FAP: variants seen among roughly 807,000 people sequenced by gnomAD.
The protein encoded by FAP is prolyl endopeptidase FAP.
In FAP, 110 loss-of-function variants were observed where a neutral mutation model predicts 126.5. The observed-to-expected ratio is 0.87, with a 90% CI of 0.74 to 1.02. FAP has a LOEUF of 1.02. Ranked by LOEUF, FAP falls within the 50% of genes least tolerant of loss-of-function variation. FAP has a pLI of 0.00. For missense variants in FAP, 919 were observed against 909.2 expected (o/e 1.01, Z -0.14); for synonymous variants, 334 against 297.3 (o/e 1.12, Z -1.27).
intron 17 of FAP, among the ~76,000 whole-genome samples, chr2:162,192,998 A>G (rs981361082): frequency 3.3e-5 from 5 of 152,036 alleles, no homozygotes; most frequent in African/African-American, 1.2e-4. Context: ...CCATGTTCAT[A>G]TTCCCCACTC....
At chr2:162,219,656 A>C (rs1404393010) in intron 7 of FAP, among the ~76,000 whole-genome samples, 197 bp downstream of exon 7, 1 of 152,154 alleles carries the variant, frequency 6.6e-6, no homozygotes, top group Non-Finnish European at 1.5e-5. Flanking sequence ...TATTTAAAGA[A>C]GTCTATCCAT....
At chr2:162,234,935 G>T (rs1022570919) in intron 2 of FAP, among the ~76,000 whole-genome samples, 2 of 152,154 alleles carry the variant, frequency 1.3e-5, no homozygotes, top group Admixed American at 1.3e-4. Context: ...CGTGGGCTTG[G>T]TGGGCCCCAC....
chr2:162,203,192 A>T (rs1688566090), intron 12 of FAP, 47 bp from the exon 13 acceptor site: 1 of 1,291,972 alleles, frequency 7.7e-7, no homozygotes, highest in Non-Finnish European at 1.1e-6. Context: ...AACCAAACTA[A>T]AACCATAGAT....
intron 18 of FAP, 44 bp downstream of exon 18, chr2:162,189,612 C>T (rs1302621174): frequency 2.8e-6 from 3 of 1,086,400 alleles, no homozygotes; most frequent in Non-Finnish European, 4.1e-6. Context: ...AAGAAAATTG[C>T]TCAGCTTCAT....
At chr2:162,195,294 G>T (rs1347220215) in intron 16 of FAP, among the ~76,000 whole-genome samples, 1 of 152,072 alleles carries the variant, frequency 6.6e-6, no homozygotes, top group African/African-American at 2.4e-5. Context: ...TTGGAAGGAG[G>T]TTTGTGGGGG....
At chr2:162,216,745 G>C (rs576052847) in intron 9 of FAP, among the ~76,000 whole-genome samples, 6 of 152,162 alleles carry the variant, frequency 3.9e-5, no homozygotes, top group Non-Finnish European at 8.8e-5. Flanking sequence ...TAATGACTCA[G>C]TGCTGTTTGA....
intron 2 of FAP, among the ~76,000 whole-genome samples, chr2:162,239,042 A>T (rs1211716062): frequency 6.6e-6 from 1 of 152,188 alleles, no homozygotes; most frequent in Non-Finnish European, 1.5e-5. Flanking sequence ...ACAATTACAT[A>T]TGTATATACA....
intron 16 of FAP, chr2:162,198,430 G>T (rs572159471): frequency 1.9e-6 from 2 of 1,052,616 alleles, no homozygotes; most frequent in Non-Finnish European, 2.5e-6. Context: ...GCCTCTGCAC[G>T]CAGTCTTAGT....
rs761757692 is a variant in FAP at position 162,197,653 on chromosome 2, C to T, written c.1402+1104G>A. 2.1e-4 allele frequency: 95 copies of T among 456,504 alleles called. 3 individuals carry two copies. In the Middle Eastern group the frequency reaches 6.8e-3, roughly 33 times the overall value. The allele number at this position is 456,504 out of a possible 1,614,324, so 28.3% of individuals were successfully genotyped here. ...GTCAAATGAGCTGCAGCTCAGGTTC[C>T]GGGGCCAGGTGGCTGGACTGAGGGA... On this transcript the variant is annotated intron_variant, in intron 16 of 25. Coordinates refer to ENST00000188790, the MANE Select transcript of FAP (RefSeq NM_004460.5).
At chr2:162,218,496 T>C (rs1689246079) in intron 8 of FAP, among the ~76,000 whole-genome samples, 1 of 151,402 alleles carries the variant, frequency 6.6e-6, no homozygotes, top group Non-Finnish European at 1.5e-5. Context: ...TACTAGAGAG[T>C]GACATAAACA....
At chr2:162,232,696 G>A (rs1235955253) in intron 2 of FAP, among the ~76,000 whole-genome samples, 1 of 152,136 alleles carries the variant, frequency 6.6e-6, no homozygotes, top group Non-Finnish European at 1.5e-5. Context: ...GTTATTCAAA[G>A]GATTTGCCGG....
In FAP at chr2:162,202,474, T is replaced by C. The variant is rs372186678; in HGVS notation, c.1223+398A>G. Among the ~76,000 whole-genome samples the C allele has an allele frequency of 2.6e-5, 4 of 152,246 alleles. No individual in the cohort carries two copies. In the East Asian group the frequency reaches 7.7e-4, roughly 29 times the overall value. ...ATTGCTCCATAAATGACAGTTGTTATAAATAATAATGTTAAACTTATATAA... is the reference window on the plus strand; with the variant it reads ...ATTGCTCCATAAATGACAGTTGTTACAAATAATAATGTTAAACTTATATAA... On this transcript the variant is annotated intron_variant, in intron 14 of 25. Coordinates refer to ENST00000188790, the MANE Select transcript of FAP (RefSeq NM_004460.5).
intron 25 of FAP, 125 bp from the exon 26 acceptor site, chr2:162,171,205 C>T (rs1687294103): frequency 1.6e-6 from 1 of 636,688 alleles, no homozygotes; most frequent in Non-Finnish European, 2.7e-6. Context: ...TAAGAACACT[C>T]AAATAAGTAA....
chr2:162,211,904 A>C (rs1688950153), intron 11 of FAP, among the ~76,000 whole-genome samples: 1 of 152,090 alleles, frequency 6.6e-6, no homozygotes, highest in Non-Finnish European at 1.5e-5. Flanking sequence ...TTGTTTTCAA[A>C]GTGTGTGCGC....
chr2:162,225,808 C>T (rs530005879), intron 3 of FAP, among the ~76,000 whole-genome samples: 6 of 152,018 alleles, frequency 3.9e-5, no homozygotes, highest in African/African-American at 1.4e-4. Context: ...CTATTTTAGC[C>T]GATTCAGGGT....
Position 162,237,938 on chromosome 2 carries a change from C to G in FAP, c.91+4970G>C, listed in dbSNP as rs1310818266. 2.0e-5 allele frequency among the ~76,000 whole-genome samples: 3 copies of G among 152,156 alleles called. No individual in the cohort carries two copies. The East Asian group carries it at 5.8e-4, about 29-fold the overall frequency. ...CATTTTGGTTTTGATTTGCATTTCT[C>G]TAATTACCAGTGATGATGAGCTTTT... On this transcript the variant is annotated intron_variant, in intron 2 of 25. Transcript: ENST00000188790.
intron 2 of FAP, among the ~76,000 whole-genome samples, chr2:162,232,428 G>T (rs949127832): frequency 6.6e-6 from 1 of 152,166 alleles, no homozygotes; most frequent in African/African-American, 2.4e-5. Context: ...AAGTATAAGT[G>T]TACACATAAT....
intron 22 of FAP, 78 bp downstream of exon 22, chr2:162,174,789 C>A: frequency 1.0e-6 from 1 of 988,804 alleles, no homozygotes. Context: ...CTGCATAATC[C>A]ATTTTTCTAG....
intron 20 of FAP, among the ~76,000 whole-genome samples, chr2:162,187,924 C>T (rs1687912219): frequency 6.6e-6 from 1 of 152,080 alleles, no homozygotes; most frequent in Non-Finnish European, 1.5e-5. Context: ...TGAATGACAA[C>T]ACATCAAAAG....
Sources: gnomAD v4.1 joint callset for allele counts (sites outside exome capture counted in the v4.1 genomes callset) on GRCh38, gnomAD v4.1.1 for gene constraint, MANE v1.5 for transcripts, NCBI Gene and HGNC (gene_info 2026-07-23, HGNC 2026-07-21) for gene names.